The following TPRA1 variants were observed in gnomAD, a reference collection of about 807,000 sequenced individuals.
TPRA1 encodes the protein transmembrane protein adipocyte associated 1, also known as transmembrane protein adipocyte-associated 1.
A neutral mutation model predicts 40.1 loss-of-function variants in TPRA1; 28 were observed. The ratio of observed to expected loss-of-function variants is 0.70; its 90% CI spans 0.52 to 0.96. The LOEUF (loss-of-function observed/expected upper bound fraction) is 0.96. TPRA1 is among the 40% of genes least tolerant of loss of function. The probability of loss-of-function intolerance (pLI) is 0.00; values close to 1 mark genes in which losing one functional copy is unlikely to be tolerated. For synonymous variants in TPRA1, 219 were observed against 209.7 expected (o/e 1.04, Z -0.38); for missense variants, 441 against 482.6 (o/e 0.91, Z 0.81).
intron 3 of TPRA1, among the ~76,000 whole-genome samples, chr3:127,577,982 G>A (rs2073702914): frequency 6.6e-6 from 1 of 152,266 alleles, no homozygotes; most frequent in Non-Finnish European, 1.5e-5. Context: ...AAGGGCAGAT[G>A]GCGAGAGAGC....
intron 1 of TPRA1, among the ~76,000 whole-genome samples, chr3:127,589,457 G>C (rs2074101139): frequency 6.6e-6 from 1 of 152,300 alleles, no homozygotes; most frequent in African/African-American, 2.4e-5. Context: ...ACAAGGTGGG[G>C]AAGGCTCCAT....
chr3:127,593,927 A>G (rs1275638641), upstream of TPRA1, among the ~76,000 whole-genome samples: 4 of 152,218 alleles, frequency 2.6e-5, no homozygotes, highest in South Asian at 2.1e-4. Context: ...CCCCAGGCCA[A>G]TGATACCTTT....
In TPRA1 at chr3:127,573,535, C is replaced by T. The variant is rs765743858; in HGVS notation, c.1108G>A (p.Ala370Thr). 1 of 1,611,694 alleles carries T rather than the reference C, an allele frequency of 6.2e-7. No individual in the cohort carries two copies. Among genetic ancestry groups the T allele is most frequent in the Non-Finnish European group, 8.5e-7 (1 of 1,179,294 alleles). The change falls in exon 11 of 11, where the codon GCC becomes ACC. Residue 370 changes from alanine (A) to threonine (T), a missense_variant. Transcript: ENST00000355552. ...INSTDSERWK[A>T]INA Reference sequence around the variant, plus strand: ...GGCAGCTGCCCTCAGGCATTGATGGCCTTCCAGCGCTCGCTGTCTGTGCTG... The same window carrying T: ...GGCAGCTGCCCTCAGGCATTGATGGTCTTCCAGCGCTCGCTGTCTGTGCTG...
intron 9 of TPRA1, 54 bp downstream of exon 9, chr3:127,575,349 T>C (rs2073566445): frequency 6.4e-7 from 1 of 1,573,540 alleles, no homozygotes; most frequent in African/African-American, 1.4e-5. Flanking sequence ...GTGGACACCC[T>C]GCCGCCCACT....
rs1403087243 is a variant in TPRA1, at chr3:127,573,637, T to C, written c.1006A>G (p.Thr336Ala). Reference sequence around the variant, plus strand: ...ACCCCGCCGGCAGAGTCGAACTGCGTGCTCGAGTAGCTGGCAGCTGAGGCC... The same window carrying C: ...ACCCCGCCGGCAGAGTCGAACTGCGCGCTCGAGTAGCTGGCAGCTGAGGCC... The part of the protein sequence containing the change: ...AGASAASYSS[T>A]QFDSAGGVAY... The change falls in exon 11 of 11, where the codon ACG becomes GCG. Residue 336 changes from threonine to alanine, a missense_variant. Physicochemically the swap from Thr to Ala is moderately conservative, Grantham distance 58 (BLOSUM62 0). Transcript: ENST00000355552. 9 of 1,613,424 alleles carry C rather than the reference T, an allele frequency of 5.6e-6. No individual in the cohort carries two copies. Among genetic ancestry groups the C allele is most frequent in the Non-Finnish European group, 6.8e-6 (8 of 1,180,006 alleles).
chr3:127,593,983 C>T (rs1387520325), upstream of TPRA1, among the ~76,000 whole-genome samples: 1 of 152,196 alleles, frequency 6.6e-6, no homozygotes, highest in Admixed American at 6.5e-5. Flanking sequence ...GCCATCTGAA[C>T]GTCTTGCAGA....
At chr3:127,589,789 T>C (rs1351069613) in intron 1 of TPRA1, among the ~76,000 whole-genome samples, 2 of 152,052 alleles carry the variant, frequency 1.3e-5, no homozygotes, top group Non-Finnish European at 2.9e-5. Context: ...CTCGGTCCCC[T>C]AGAACAAGGC....
intron 1 of TPRA1, among the ~76,000 whole-genome samples, chr3:127,589,657 G>A (rs1434915585): frequency 1.3e-5 from 2 of 152,070 alleles, no homozygotes; most frequent in African/African-American, 2.4e-5. Context: ...CAGGGCCTTT[G>A]GGCTGGCTCT....
intron 1 of TPRA1, among the ~76,000 whole-genome samples, chr3:127,583,795 C>T (rs1487900972): frequency 2.0e-5 from 3 of 151,952 alleles, no homozygotes; most frequent in African/African-American, 7.3e-5. Context: ...CTCAGCCTCC[C>T]GAGTAGCTGG....
At position 127,590,609 on chromosome 3, in the gene TPRA1, A is replaced by G. The variant is rs1170110636; in HGVS notation, c.-217T>C. The G allele has an allele frequency of 6.6e-6, 1 of 152,104 alleles. No homozygotes were observed. Among genetic ancestry groups the G allele is most frequent in the African/African-American group, 2.4e-5 (1 of 41,434 alleles). The allele number at this position is 152,104 out of a possible 1,614,324, so 9.4% of individuals were successfully genotyped here. Reference sequence around the variant, plus strand: ...GAATGAGGGCTAGGCAGGAAAGGCGAGGCGGGGTCAGCTCGCCGGGCCGCG... The same window carrying G: ...GAATGAGGGCTAGGCAGGAAAGGCGGGGCGGGGTCAGCTCGCCGGGCCGCG... On this transcript the variant is annotated 5_prime_UTR_variant, in exon 1 of 11. Transcript: ENST00000355552.
intron 10 of TPRA1, among the ~76,000 whole-genome samples, chr3:127,574,140 C>T (rs1024262586): frequency 6.6e-6 from 1 of 152,266 alleles, no homozygotes; most frequent in Non-Finnish European, 1.5e-5. Flanking sequence ...GCCCCCACTC[C>T]TGTGACCCCT....
chr3:127,589,019 G>T, intron 1 of TPRA1, among the ~76,000 whole-genome samples: 1 of 152,084 alleles, frequency 6.6e-6, no homozygotes, highest in Non-Finnish European at 1.5e-5. Flanking sequence ...GAGCCCAGGG[G>T]TGATTCTCAG....
At chr3:127,575,085 A>G in intron 10 of TPRA1, 100 bp downstream of exon 10, 1 of 1,300,206 alleles carries the variant, frequency 7.7e-7, no homozygotes, top group South Asian at 1.3e-5. Context: ...TGCGCACTGT[A>G]TGCATACACA....
At chr3:127,585,770 G>A (rs2073980622) in intron 1 of TPRA1, among the ~76,000 whole-genome samples, 1 of 152,134 alleles carries the variant, frequency 6.6e-6, no homozygotes, top group Non-Finnish European at 1.5e-5. Context: ...ATTTTGTTCA[G>A]GATCCCTCCA....
intron 1 of TPRA1, among the ~76,000 whole-genome samples, chr3:127,588,612 G>A (rs1016453127): frequency 3.3e-5 from 5 of 151,962 alleles, no homozygotes; most frequent in Admixed American, 2.6e-4. Context: ...GTAGAAATGG[G>A]GTTTCACCAT....
At chr3:127,579,683 TC>T in intron 3 of TPRA1, 56 bp downstream of exon 3, 1 of 1,583,694 alleles carries the variant, frequency 6.3e-7, no homozygotes, top group Non-Finnish European at 8.6e-7. Context: ...AGCAGTTAAT[TC>T]CCTTTTTGTT....
In TPRA1 at chr3:127,580,149, C is replaced by A. The variant is rs369294106; in HGVS notation, c.-3G>T. 1 of 1,611,602 alleles carries A rather than the reference C, an allele frequency of 6.2e-7. No individual in the cohort carries two copies. Among genetic ancestry groups the A allele is most frequent in the Admixed American group, 1.7e-5 (1 of 59,988 alleles). ...GTCACCTCCTCCAGGGTGTCCATCCCGCCAGCAGCCAGCCCTGGGGGAGTG... is the reference window on the plus strand; with the variant it reads ...GTCACCTCCTCCAGGGTGTCCATCCAGCCAGCAGCCAGCCCTGGGGGAGTG... On this transcript the variant is annotated 5_prime_UTR_variant, in exon 2 of 11. Coordinates refer to ENST00000355552, the MANE Select transcript of TPRA1 (RefSeq NM_001136053.4).
At chr3:127,593,694 T>C (rs1164718669), upstream of TPRA1, among the ~76,000 whole-genome samples, 2 of 152,158 alleles carry the variant, frequency 1.3e-5, no homozygotes, top group Non-Finnish European at 1.5e-5. Context: ...CCTATTTAAT[T>C]CATCAGTCTG....
intron 3 of TPRA1, among the ~76,000 whole-genome samples, chr3:127,579,272 C>A (rs2073749007): frequency 6.6e-6 from 1 of 152,188 alleles, no homozygotes; most frequent in Admixed American, 6.5e-5. Context: ...ATTTTCCCCA[C>A]CCAGCATCCA....
Sources: allele counts gnomAD v4.1 joint callset (sites outside exome capture counted in the v4.1 genomes callset), GRCh38; gene constraint gnomAD v4.1.1; transcripts MANE v1.5; gene names NCBI Gene and HGNC (gene_info 2026-07-23, HGNC 2026-07-21).